TMPRSS15: variants seen among roughly 807,000 people sequenced by gnomAD.
The protein encoded by TMPRSS15 is transmembrane serine protease 15, also known as enteropeptidase.
In TMPRSS15, 128 loss-of-function variants were observed where a neutral mutation model predicts 125.3. The observed-to-expected ratio is 1.02, with a 90% CI of 0.89 to 1.18. The LOEUF (loss-of-function observed/expected upper bound fraction) is 1.18. TMPRSS15 is among the 50% of genes most tolerant of loss of function. TMPRSS15 has a pLI of 0.00. For synonymous variants in TMPRSS15, 446 were observed against 423.2 expected (o/e 1.05, Z -0.66); for missense variants, 1,283 against 1,212.7 (o/e 1.06, Z -0.86).
intron 1 of TMPRSS15, among the ~76,000 whole-genome samples, chr21:18,469,869 GT>G (rs1387140734): frequency 6.6e-6 from 1 of 151,970 alleles, no homozygotes; most frequent in African/African-American, 2.4e-5. Context: ...CTATATTAAA[GT>G]TAAAAATAGC....
At chr21:18,294,542 A>G in intron 20 of TMPRSS15, 61 bp downstream of exon 20, 1 of 1,602,688 alleles carries the variant, frequency 6.2e-7, no homozygotes, top group South Asian at 1.1e-5. Flanking sequence ...GGTGACATAA[A>G]ACTCTATTCA....
chr21:18,449,599 A>C (rs756176197), intron 1 of TMPRSS15, among the ~76,000 whole-genome samples: 3 of 152,110 alleles, frequency 2.0e-5, no homozygotes, highest in Non-Finnish European at 2.9e-5. Context: ...TTCTGTAGGC[A>C]TTTGTGACTG....
At chr21:18,350,442 T>C (rs1050490681) in intron 10 of TMPRSS15, among the ~76,000 whole-genome samples, 3 of 152,138 alleles carry the variant, frequency 2.0e-5, no homozygotes, top group Non-Finnish European at 4.4e-5. Context: ...CTCCCACTGA[T>C]CTGAGTCTCA....
intron 6 of TMPRSS15, among the ~76,000 whole-genome samples, chr21:18,370,278 C>T (rs938445840): frequency 2.0e-5 from 3 of 152,042 alleles, no homozygotes; most frequent in African/African-American, 7.2e-5. Flanking sequence ...TTTATATGCA[C>T]TGATATTAGT....
chr21:18,433,663 CAAA>C (rs58432155), intron 1 of TMPRSS15, among the ~76,000 whole-genome samples: 6 of 62,446 alleles, frequency 9.6e-5, no homozygotes, highest in Admixed American at 2.3e-4. Flanking sequence ...GACCTTGTCT[CAAA>C]AAAAAAAAAA....
At chr21:18,453,954 A>C (rs886180239) in intron 1 of TMPRSS15, among the ~76,000 whole-genome samples, 1 of 152,228 alleles carries the variant, frequency 6.6e-6, no homozygotes, top group African/African-American at 2.4e-5. Context: ...AGTTAAACTC[A>C]TGGGAGCAAA....
chr21:18,382,806 A>G (rs1457503706), intron 4 of TMPRSS15, among the ~76,000 whole-genome samples: 1 of 152,184 alleles, frequency 6.6e-6, no homozygotes, highest in Non-Finnish European at 1.5e-5. Flanking sequence ...ACAATACTCA[A>G]TAAGGACACT....
intron 1 of TMPRSS15, among the ~76,000 whole-genome samples, chr21:18,400,373 C>A (rs1174390221): frequency 1.3e-5 from 2 of 152,096 alleles, no homozygotes; most frequent in Non-Finnish European, 2.9e-5. Context: ...AGTACAAATA[C>A]AGATACATAG....
At chr21:18,472,179 T>C (rs958639118) in intron 1 of TMPRSS15, among the ~76,000 whole-genome samples, 2 of 151,998 alleles carry the variant, frequency 1.3e-5, no homozygotes, top group African/African-American at 4.8e-5. Context: ...ACATACACCT[T>C]TAAGAAGGAT....
intron 1 of TMPRSS15, among the ~76,000 whole-genome samples, chr21:18,422,559 G>T (rs895533933): frequency 1.3e-5 from 2 of 152,128 alleles, no homozygotes; most frequent in African/African-American, 4.8e-5. Context: ...AATTTTACAT[G>T]CATTTAGTTA....
intron 1 of TMPRSS15, among the ~76,000 whole-genome samples, chr21:18,409,878 C>T (rs2076161193): frequency 9.7e-6 from 1 of 103,390 alleles, no homozygotes; most frequent in African/African-American, 3.6e-5. Flanking sequence ...CCCTCCCTTC[C>T]CTCCCTCCCT....
intron 1 of TMPRSS15, among the ~76,000 whole-genome samples, chr21:18,480,974 A>G (rs9976562): frequency 0.024 from 3,610 of 151,880 alleles, 157 homozygotes; most frequent in African/African-American, 0.081. Flanking sequence ...ACATTGAGTC[A>G]TTGATAACTC....
chr21:18,292,450 G>A (rs1051368501), intron 21 of TMPRSS15, among the ~76,000 whole-genome samples: 1 of 152,160 alleles, frequency 6.6e-6, no homozygotes, highest in African/African-American at 2.4e-5. Flanking sequence ...TTGGACATGT[G>A]TTTATACTAG....
chr21:18,430,802 T>C (rs2076215237), intron 1 of TMPRSS15, among the ~76,000 whole-genome samples: 2 of 152,160 alleles, frequency 1.3e-5, no homozygotes, highest in Admixed American at 1.3e-4. Flanking sequence ...CTTGCAGCAG[T>C]GGAATGCACT....
intron 1 of TMPRSS15, among the ~76,000 whole-genome samples, chr21:18,447,393 TCATGC>T (rs1321839937): frequency 7.6e-6 from 1 of 131,512 alleles, no homozygotes; most frequent in Non-Finnish European, 1.5e-5. Flanking sequence ...TGAGCCCAGA[TCATGC>T]CATTGCATTT....
At chr21:18,302,434 G>A (rs1448562771) in intron 18 of TMPRSS15, among the ~76,000 whole-genome samples, 2 of 152,100 alleles carry the variant, frequency 1.3e-5, no homozygotes, top group Admixed American at 1.3e-4. Flanking sequence ...TTCTGAGCTG[G>A]ACACATTTCC....
intron 1 of TMPRSS15, among the ~76,000 whole-genome samples, chr21:18,428,591 AATGTAGAG>A: frequency 1.3e-5 from 2 of 152,136 alleles, no homozygotes; most frequent in South Asian, 4.1e-4. Flanking sequence ...GAAAGGGGCC[AATGTAGAG>A]TGCAGGCCAT....
intron 1 of TMPRSS15, among the ~76,000 whole-genome samples, chr21:18,401,246 A>T (rs968084452): frequency 2.6e-5 from 4 of 152,136 alleles, no homozygotes; most frequent in Non-Finnish European, 4.4e-5. Context: ...TCAAAAAGAA[A>T]ATAAGTCATT....
chr21:18,292,052 G>A (rs1380839812), intron 21 of TMPRSS15, among the ~76,000 whole-genome samples: 4 of 152,088 alleles, frequency 2.6e-5, no homozygotes, highest in African/African-American at 9.7e-5. Flanking sequence ...TACCTACGAG[G>A]ACACATTCCT....
Sources: gnomAD v4.1 joint callset for allele counts (sites outside exome capture counted in the v4.1 genomes callset) on GRCh38, gnomAD v4.1.1 for gene constraint, MANE v1.5 for transcripts, NCBI Gene and HGNC (gene_info 2026-07-23, HGNC 2026-07-21) for gene names.